Variants in ASIC4 observed in about 807,000 individuals in gnomAD.
ASIC4 encodes the protein acid-sensing ion channel 4.
A neutral mutation model predicts 53.4 loss-of-function variants in ASIC4; 28 were observed. The observed-to-expected ratio is 0.52, with a 90% CI of 0.39 to 0.72. ASIC4 has a LOEUF of 0.72. Ranked by LOEUF, ASIC4 falls within the 30% of genes least tolerant of loss-of-function variation. ASIC4 has a pLI of 0.00. For missense variants in ASIC4, 649 were observed against 729.7 expected (o/e 0.89, Z 1.27); for synonymous variants, 289 against 301.4 (o/e 0.96, Z 0.43).
chr2:219,531,794 G>T lies in ASIC4; in HGVS notation c.619G>T (p.Ala207Ser), dbSNP rs199606156. ...TRYGKCYTFN[A>S]DPRSSLPSRA... ...CTATGGGAAGTGTTACACCTTCAAC[G>T]CGGACCCGCGGAGCTCGCTGCCCAG... Residue 207 changes from alanine (A) to serine (S), a missense_variant, in exon 2 of 10, where the codon GCG becomes TCG. Ala to Ser is a moderately conservative substitution (Grantham distance 99). Coordinates refer to ENST00000358078, the MANE Select transcript of ASIC4 (RefSeq NM_018674.6). 10 of 1,612,418 alleles carry T rather than the reference G, an allele frequency of 6.2e-6. No individual in the cohort carries two copies. Among genetic ancestry groups the T allele is most frequent in the Non-Finnish European group, 8.5e-6 (10 of 1,179,276 alleles).
At position 219,538,668 on chromosome 2, in the gene ASIC4, T is replaced by C. The variant is rs1480344312; in HGVS notation, c.*622T>C. 6.5e-6 allele frequency: 1 copy of C among 154,640 alleles called. No individual in the cohort carries two copies. The highest frequency in any genetic ancestry group is 2.4e-5 in the African/African-American group (1 of 41,432). 9.6% of individuals were successfully genotyped at this position (154,640 alleles called of 1,614,324 possible). On this transcript the variant is annotated 3_prime_UTR_variant, in exon 10 of 10. Coordinates refer to ENST00000358078, the MANE Select transcript of ASIC4 (RefSeq NM_018674.6). ...GGAGGGGGCAGGAGACCTTCCAGAC[T>C]TCGGCTGAGCTTGGAGGGTGGGAAG...
chr2:219,530,291 T>C (rs1389844568), intron 1 of ASIC4, among the ~76,000 whole-genome samples: 2 of 152,248 alleles, frequency 1.3e-5, no homozygotes, highest in African/African-American at 2.4e-5. Context: ...GCGCAGCTCC[T>C]GGTGGCAGCT....
rs1327062476 is a variant in ASIC4, at chr2:219,537,499, A to C, written c.1402-133A>C. The C allele has an allele frequency of 3.4e-5, 34 of 997,356 alleles. No individual in the cohort carries two copies. The highest frequency in any genetic ancestry group is 4.5e-5 in the Non-Finnish European group (30 of 669,212). The allele number at this position is 997,356 out of a possible 1,614,324, so 61.8% of individuals were successfully genotyped here. A position where few individuals can be genotyped will look rare whatever the true frequency, so the allele number is the denominator to read the frequency against. ...CAGAGTCAGGAGAAGGGGATGGGTG[A>C]GGAGGAGGAGGGTGTCCTACTGGGA... is the stretch of plus-strand genomic sequence containing the variant. On this transcript the variant is annotated intron_variant, in intron 8 of 9. Coordinates refer to ENST00000358078, the MANE Select transcript of ASIC4 (RefSeq NM_018674.6). This position sits in a 1 kb window ranked among gnomAD's most constrained non-coding sequence, Gnocchi z 4.9.
intron 3 of ASIC4, 43 bp downstream of exon 3, chr2:219,532,171 C>T (rs371570850): frequency 6.2e-7 from 1 of 1,611,604 alleles, no homozygotes; most frequent in African/African-American, 1.3e-5. Context: ...ACAGGGCTCG[C>T]CTTTGGGCTC....
In ASIC4 at chr2:219,537,167, G is replaced by C; in HGVS notation, c.1321+10G>C. ...CTGTCAGCCCTGCTGGGTGAGACTG[G>C]TGTCCCTGCCCCCAGCTTGTGTGGG... On this transcript the variant is annotated intron_variant, in intron 7 of 9. Coordinates refer to ENST00000358078, the MANE Select transcript of ASIC4 (RefSeq NM_018674.6). This position sits in a 1 kb window ranked among gnomAD's most constrained non-coding sequence, Gnocchi z 4.9. 6.2e-7 allele frequency: 1 copy of C among 1,613,688 alleles called. No homozygotes were observed. Among genetic ancestry groups the C allele is most frequent in the Non-Finnish European group, 8.5e-7 (1 of 1,179,636 alleles).
At chr2:219,526,111 C>T (rs913207724) in intron 1 of ASIC4, among the ~76,000 whole-genome samples, 35 of 152,054 alleles carry the variant, frequency 2.3e-4, no homozygotes, top group Admixed American at 2.1e-3. Flanking sequence ...GTGGGCTCTG[C>T]GAGGGAGGGA....
Position 219,518,195 on chromosome 2 carries a change from C to A in ASIC4, c.582+2889C>A, listed in dbSNP as rs1352082737. 6.6e-6 allele frequency among the ~76,000 whole-genome samples: 1 copy of A among 152,188 alleles called. No homozygotes were observed. Among genetic ancestry groups the A allele is most frequent in the East Asian group, 1.9e-4 (1 of 5,194 alleles). On this transcript the variant is annotated intron_variant, in intron 1 of 9. Transcript: ENST00000358078. The surrounding 1 kb of genome is among the most constrained non-coding windows in gnomAD (Gnocchi z 4.8). ...GGGAAGCCCTGTCCCCAGTCCCTGT[C>A]CTCAAGCAGCCTATAGTCTCGTAGA...
At position 219,515,168 on chromosome 2, in the gene ASIC4, T is replaced by C; in HGVS notation, c.444T>C (p.Asp148=). The C allele has an allele frequency of 1.2e-6, 2 of 1,614,160 alleles. No homozygotes were observed. The highest frequency in any genetic ancestry group is 2.2e-5 in the South Asian group (2 of 91,078). The stretch of plus-strand genomic sequence containing the variant: ...CAGGGCTGCCCCCCAAAGACCGGGA[T>C]GGGCACCGTGCGGCTGGCCTGCGCT... ...NLTGLPPKDR[D]GHRAAGLRYP... Residue 148 remains aspartate (D), a synonymous_variant, in exon 1 of 10, where the codon GAT becomes GAC. Transcript: ENST00000358078.
chr2:219,511,711 A>G (rs1575231702), upstream of ASIC4, among the ~76,000 whole-genome samples: 1 of 115,968 alleles, frequency 8.6e-6, no homozygotes, highest in East Asian at 2.8e-4. This position sits in a 1 kb window ranked among gnomAD's most constrained non-coding sequence, Gnocchi z 5.3. Context: ...GTCCCCCGGG[A>G]GTGGGTGGGG....
Position 219,537,668 on chromosome 2 carries a change from C to T in ASIC4, c.1438C>T (p.Pro480Ser). The change falls in exon 9 of 10, where the codon CCC becomes TCC. Residue 480 changes from proline (P) to serine (S), a missense_variant. Transcript: ENST00000358078. The surrounding 1 kb of genome is among the most constrained non-coding windows in gnomAD (Gnocchi z 4.9). ...WDRLKRVWRRPKTPLRTSTGG... is the reference protein window; with the variant it reads ...WDRLKRVWRRSKTPLRTSTGG... ...TCGACTGAAGCGGGTATGGAGGCGT[C>T]CCAAGACCCCCCTGCGGACCTCCAC... 6.2e-7 allele frequency: 1 copy of T among 1,614,048 alleles called. No homozygotes were observed.
rs35089093 is a variant in ASIC4, at chr2:219,533,222, C to G, written c.1075+283C>G. 1.1e-5 allele frequency: 6 copies of G among 533,676 alleles called. No homozygotes were observed. In the African/African-American group the frequency reaches 1.1e-4, roughly 10 times the overall value. The allele number at this position is 533,676 out of a possible 1,614,324, so 33.1% of individuals were successfully genotyped here. A position where few individuals can be genotyped will look rare whatever the true frequency, so the allele number is the denominator to read the frequency against. Reference sequence around the variant, plus strand: ...CATCTTGGTTCAGCCAATGAGCTCACCCACTTTGAGAAAGTGAAATGACTT... The same window carrying G: ...CATCTTGGTTCAGCCAATGAGCTCAGCCACTTTGAGAAAGTGAAATGACTT... On this transcript the variant is annotated intron_variant, in intron 5 of 9. Transcript: ENST00000358078.
intron 1 of ASIC4, among the ~76,000 whole-genome samples, chr2:219,523,963 A>ACTCAGG (rs1694927941): frequency 6.6e-6 from 1 of 152,040 alleles, no homozygotes; most frequent in Non-Finnish European, 1.5e-5. Context: ...AGCTGGGACT[A>ACTCAGG]CATGTGTGAG....
rs1166194918 is a variant in ASIC4 at position 219,538,277 on chromosome 2, T to A, written c.*231T>A. 1.8e-6 allele frequency: 1 copy of A among 544,650 alleles called. No homozygotes were observed. The highest frequency in any genetic ancestry group is 3.3e-6 in the Non-Finnish European group (1 of 307,480). 33.7% of individuals were successfully genotyped at this position (544,650 alleles called of 1,614,324 possible). A position where few individuals can be genotyped will look rare whatever the true frequency, so the allele number is the denominator to read the frequency against. On this transcript the variant is annotated 3_prime_UTR_variant, in exon 10 of 10. Coordinates refer to ENST00000358078, the MANE Select transcript of ASIC4 (RefSeq NM_018674.6). ...CCCGGGAGGGCTGGAGACCAGGCCA[T>A]GGGCCCTCACGGAGAGGAAGGGAAG... is the stretch of plus-strand genomic sequence containing the variant.
At chr2:219,524,588 T>G (rs1009051766) in intron 1 of ASIC4, among the ~76,000 whole-genome samples, 5 of 152,250 alleles carry the variant, frequency 3.3e-5, no homozygotes, top group Non-Finnish European at 7.3e-5. Flanking sequence ...ATTCTGTCTT[T>G]CCTCATAACA....
chr2:219,525,415 A>T (rs1401108633), intron 1 of ASIC4, among the ~76,000 whole-genome samples: 1 of 152,226 alleles, frequency 6.6e-6, no homozygotes, highest in Admixed American at 6.5e-5. Context: ...GCTATCTGTG[A>T]TGGAGCTGGA....
In ASIC4 at chr2:219,537,166, G is replaced by A. The variant is rs200339486; in HGVS notation, c.1321+9G>A. 3.7e-6 allele frequency: 6 copies of A among 1,613,668 alleles called. No individual in the cohort carries two copies. Among genetic ancestry groups the A allele is most frequent in the Non-Finnish European group, 4.2e-6 (5 of 1,179,638 alleles). On this transcript the variant is annotated intron_variant, in intron 7 of 9. Transcript: ENST00000358078. The surrounding 1 kb of genome is among the most constrained non-coding windows in gnomAD (Gnocchi z 4.9). ...CCTGTCAGCCCTGCTGGGTGAGACT[G>A]GTGTCCCTGCCCCCAGCTTGTGTGG... is the stretch of plus-strand genomic sequence containing the variant.
At position 219,531,944 on chromosome 2, in the gene ASIC4, G is replaced by T. The variant is rs896996947; in HGVS notation, c.727+42G>T. The T allele has an allele frequency of 8.1e-6, 13 of 1,611,964 alleles. No individual in the cohort carries two copies. The Admixed American group carries it at 8.3e-5, about 10-fold the overall frequency. ...GGGACAAGGGCCACCTTGGGGACTG[G>T]GGCCTGGGCCCTCTGCCTGGGATGG... On this transcript the variant is annotated intron_variant, in intron 2 of 9. Coordinates refer to ENST00000358078, the MANE Select transcript of ASIC4 (RefSeq NM_018674.6).
the ASIC4 span, among the ~76,000 whole-genome samples, chr2:219,507,916 G>A: frequency 6.6e-6 from 1 of 152,142 alleles, no homozygotes; most frequent in Non-Finnish European, 1.5e-5. Flanking sequence ...TAGCCTGGCA[G>A]TTAGGAAGCT....
At position 219,518,000 on chromosome 2, in the gene ASIC4, T is replaced by C. The variant is rs938702785; in HGVS notation, c.582+2694T>C. 1.8e-4 allele frequency among the ~76,000 whole-genome samples: 28 copies of C among 152,090 alleles called. No individual in the cohort carries two copies. Among genetic ancestry groups the C allele is most frequent in the Admixed American group, 6.5e-5 (1 of 15,274 alleles). The stretch of plus-strand genomic sequence containing the variant: ...CTCCGGGTAATGTGCCCTCCCCCAG[T>C]CCCCTCTGCTGCTGCTCTTGCTTCT... On this transcript the variant is annotated intron_variant, in intron 1 of 9. Coordinates refer to ENST00000358078, the MANE Select transcript of ASIC4 (RefSeq NM_018674.6). The surrounding 1 kb of genome is among the most constrained non-coding windows in gnomAD (Gnocchi z 4.2).
Sources: allele counts gnomAD v4.1 joint callset (sites outside exome capture counted in the v4.1 genomes callset), GRCh38; gene constraint gnomAD v4.1.1; non-coding constraint Gnocchi (gnomAD v3.1); transcripts MANE v1.5; gene names NCBI Gene and HGNC (gene_info 2026-07-23, HGNC 2026-07-21).